The following MACROD2 variants were observed in gnomAD, a reference collection of about 807,000 sequenced individuals.
MACROD2 encodes mono-ADP ribosylhydrolase 2, also known as ADP-ribose glycohydrolase MACROD2.
Under a neutral mutation model 70.4 loss-of-function variants are expected in MACROD2, and 36 were observed. The ratio of observed to expected loss-of-function variants is 0.51; its 90% CI spans 0.39 to 0.68. MACROD2 has a LOEUF of 0.68. Ranked by LOEUF, MACROD2 falls within the 30% of genes least tolerant of loss-of-function variation. The pLI is 0.00. For missense variants in MACROD2, 496 were observed against 538.4 expected (o/e 0.92, Z 0.78); for synonymous variants, 172 against 178.8 (o/e 0.96, Z 0.30).
At chr20:15,972,861 A>G (rs1034294423) in intron 13 of MACROD2, among the ~76,000 whole-genome samples, 1 of 152,302 alleles carries the variant, frequency 6.6e-6, no homozygotes, top group South Asian at 2.1e-4. Flanking sequence ...AATGGAAACT[A>G]GAAACTACAA....
intron 12 of MACROD2, among the ~76,000 whole-genome samples, chr20:15,951,352 A>ACACACACACACAC (rs1414285468): frequency 5.4e-5 from 5 of 91,878 alleles, no homozygotes; most frequent in Non-Finnish European, 7.8e-5. Flanking sequence ...CACACACACA[A>ACACACACACACAC]AGAGAGAGAG....
intron 15 of MACROD2, among the ~76,000 whole-genome samples, chr20:16,003,958 C>A (rs1369736338): frequency 6.6e-6 from 1 of 152,158 alleles, no homozygotes; most frequent in Non-Finnish European, 1.5e-5. Flanking sequence ...CTTGAGCCAC[C>A]GTGCCCGGCC....
At chr20:14,628,740 A>G (rs1984336353) in intron 4 of MACROD2, 1 of 152,206 alleles carries the variant, frequency 6.6e-6, no homozygotes, top group Non-Finnish European at 1.5e-5. Context: ...TCATTCCAGG[A>G]GCACATATAC....
intron 5 of MACROD2, among the ~76,000 whole-genome samples, chr20:15,154,520 G>T (rs1448266677): frequency 6.6e-6 from 1 of 152,178 alleles, no homozygotes; most frequent in African/African-American, 2.4e-5. Context: ...CATAAACTGG[G>T]TGACTTATAA....
chr20:14,741,120 A>C (rs2071727020), intron 5 of MACROD2, among the ~76,000 whole-genome samples: 1 of 152,200 alleles, frequency 6.6e-6, no homozygotes, highest in Non-Finnish European at 1.5e-5. Context: ...TGTCATCATT[A>C]ACAAAGTAAA....
chr20:14,826,897 G>C (rs1306833325), intron 5 of MACROD2, among the ~76,000 whole-genome samples: 1 of 152,088 alleles, frequency 6.6e-6, no homozygotes, highest in African/African-American at 2.4e-5. Context: ...CCTAAATGCG[G>C]CATCATGCTA....
intron 8 of MACROD2, among the ~76,000 whole-genome samples, chr20:15,649,607 C>T (rs771372560): frequency 1.2e-4 from 18 of 152,164 alleles, no homozygotes; most frequent in Non-Finnish European, 2.4e-4. Flanking sequence ...GAGTGACTCA[C>T]AGAAGTCATT....
chr20:15,285,121 T>A (rs1343467982), intron 6 of MACROD2, among the ~76,000 whole-genome samples: 1 of 152,098 alleles, frequency 6.6e-6, no homozygotes, highest in Non-Finnish European at 1.5e-5. Context: ...CACACTGGAG[T>A]ATTAGTTAAC....
At chr20:15,256,524 TA>T (rs1045409007) in intron 6 of MACROD2, among the ~76,000 whole-genome samples, 1 of 151,594 alleles carries the variant, frequency 6.6e-6, no homozygotes, top group Non-Finnish European at 1.5e-5. Context: ...CGGCAAATAA[TA>T]AAAAAAGGTC....
At chr20:15,818,017 C>A (rs1321499373) in intron 8 of MACROD2, among the ~76,000 whole-genome samples, 2 of 152,132 alleles carry the variant, frequency 1.3e-5, no homozygotes, top group African/African-American at 4.8e-5. Context: ...TTCCTTCATG[C>A]CTTGGGGAAC....
intron 8 of MACROD2, among the ~76,000 whole-genome samples, chr20:15,859,811 A>AATC (rs10636579): frequency 0.62 from 92,568 of 150,508 alleles, 30,718 homozygotes; most frequent in Non-Finnish European, 0.75. Context: ...TTTGGACTTA[A>AATC]ATCATTTCCA....
At chr20:15,460,573 C>G (rs983304557) in intron 7 of MACROD2, among the ~76,000 whole-genome samples, 14 of 152,228 alleles carry the variant, frequency 9.2e-5, no homozygotes, top group African/African-American at 3.4e-4. Flanking sequence ...AAACTTCTTC[C>G]CTTTGATCCA....
At chr20:16,035,097 T>TTATA (rs748010538) in intron 15 of MACROD2, among the ~76,000 whole-genome samples, 1 of 116,382 alleles carries the variant, frequency 8.6e-6, no homozygotes, top group Admixed American at 9.3e-5. Flanking sequence ...TATAAAATAT[T>TTATA]ATATATTATA....
chr20:14,230,650 T>TAAA (rs1369046877), intron 3 of MACROD2, among the ~76,000 whole-genome samples: 2 of 26,348 alleles, frequency 7.6e-5, no homozygotes, highest in East Asian at 3.1e-3. Flanking sequence ...TATATATATA[T>TAAA]ATATAACACA....
At chr20:15,327,313 G>A (rs2077941210) in intron 6 of MACROD2, among the ~76,000 whole-genome samples, 1 of 152,200 alleles carries the variant, frequency 6.6e-6, no homozygotes, top group African/African-American at 2.4e-5. Context: ...TGATGGTCAC[G>A]TGACTTCACA....
At chr20:14,298,002 C>T (rs2082441198) in intron 3 of MACROD2, among the ~76,000 whole-genome samples, 1 of 151,898 alleles carries the variant, frequency 6.6e-6, no homozygotes, top group African/African-American at 2.4e-5. Context: ...CTCTACCCTT[C>T]CTGTGCTCTG....
chr20:15,333,284 T>C (rs1377312520), intron 6 of MACROD2, among the ~76,000 whole-genome samples: 1 of 151,664 alleles, frequency 6.6e-6, no homozygotes, highest in Non-Finnish European at 1.5e-5. Flanking sequence ...TGCATACTTA[T>C]ATTTGAAAAT....
At chr20:15,520,251 TA>T (rs1341658840) in intron 8 of MACROD2, among the ~76,000 whole-genome samples, 5 of 152,216 alleles carry the variant, frequency 3.3e-5, no homozygotes, top group African/African-American at 1.2e-4. Flanking sequence ...GGGAAAGGAC[TA>T]AATAAAGTTC....
chr20:15,757,687 G>A lies in MACROD2; in HGVS notation c.646-105058G>A, dbSNP rs148437550. The stretch of plus-strand genomic sequence containing the variant: ...GGCTGGGAAGTCCAAGAGCAGATTC[G>A]GTTCCTGGTGAGGACCCTCTTTCTC... On this transcript the variant is annotated intron_variant, in intron 8 of 17. Transcript: ENST00000684519. 2.1e-3 allele frequency among the ~76,000 whole-genome samples: 322 copies of A among 152,126 alleles called. 1 individual carries two copies. Among genetic ancestry groups the A allele is most frequent in the African/African-American group, 7.2e-3 (300 of 41,494 alleles).
Sources: allele counts gnomAD v4.1 joint callset (sites outside exome capture counted in the v4.1 genomes callset), GRCh38; gene constraint gnomAD v4.1.1; transcripts MANE v1.5; gene names NCBI Gene and HGNC (gene_info 2026-07-23, HGNC 2026-07-21).